The following NKAIN2 variants were observed in gnomAD, a reference collection of about 807,000 sequenced individuals.
NKAIN2 encodes sodium/potassium-transporting ATPase subunit beta-1-interacting protein 2.
In NKAIN2, 14 loss-of-function variants were observed where a neutral mutation model predicts 32.6. The ratio of observed to expected loss-of-function variants is 0.43; its 90% CI spans 0.28 to 0.67. NKAIN2 has a LOEUF of 0.67. NKAIN2 is among the 30% of genes least tolerant of loss of function. The probability of loss-of-function intolerance (pLI) is 0.17; values close to 1 mark genes in which losing one functional copy is unlikely to be tolerated. For missense variants in NKAIN2, 198 were observed against 258.3 expected (o/e 0.77, Z 1.60); for synonymous variants, 80 against 87.2 (o/e 0.92, Z 0.46).
intron 3 of NKAIN2, among the ~76,000 whole-genome samples, chr6:124,566,049 G>A (rs1448649628): frequency 6.6e-6 from 1 of 152,152 alleles, no homozygotes; most frequent in African/African-American, 2.4e-5. Flanking sequence ...CCTTTCACAT[G>A]AAATGCTAAC....
chr6:124,157,294 G>T (rs964498894), intron 1 of NKAIN2, among the ~76,000 whole-genome samples: 1 of 149,534 alleles, frequency 6.7e-6, no homozygotes, highest in African/African-American at 2.5e-5. Context: ...CACACAGCAT[G>T]CTTCTTCCTA....
intron 1 of NKAIN2, among the ~76,000 whole-genome samples, chr6:124,026,521 G>A (rs548779311): frequency 1.9e-4 from 29 of 152,112 alleles, no homozygotes; most frequent in Middle Eastern, 3.4e-3. Flanking sequence ...GTGAATAATC[G>A]TAGCCATGTG....
Position 124,486,162 on chromosome 6 carries a change from T to A in NKAIN2, c.273+130815T>A, listed in dbSNP as rs75123546. On this transcript the variant is annotated intron_variant, in intron 3 of 6. Coordinates refer to ENST00000368417, the MANE Select transcript of NKAIN2 (RefSeq NM_001040214.3). Reference sequence around the variant, plus strand: ...TTCAATAACACAAAATGAAATAGAATGAAACATAAGGAGAATGCTGTGTTT... The same window carrying A: ...TTCAATAACACAAAATGAAATAGAAAGAAACATAAGGAGAATGCTGTGTTT... 6.3e-3 allele frequency among the ~76,000 whole-genome samples: 954 copies of A among 152,294 alleles called. 32 individuals are homozygous for A. The East Asian group carries it at 0.082, about 13-fold the overall frequency.
At chr6:124,337,272 A>C (rs1797917048) in intron 2 of NKAIN2, among the ~76,000 whole-genome samples, 1 of 152,174 alleles carries the variant, frequency 6.6e-6, no homozygotes, top group South Asian at 2.1e-4. Flanking sequence ...CAAGATGGGC[A>C]GATCCCTTGA....
intron 1 of NKAIN2, among the ~76,000 whole-genome samples, chr6:124,279,065 T>G (rs927327000): frequency 9.9e-5 from 15 of 152,006 alleles, no homozygotes; most frequent in Non-Finnish European, 2.9e-5. Flanking sequence ...TTTGAAAAAT[T>G]TTTACACATA....
rs1191286941 is a variant in NKAIN2, at chr6:124,818,495, T to C, written c.617+27T>C. On this transcript the variant is annotated intron_variant, in intron 6 of 6. Coordinates refer to ENST00000368417, the MANE Select transcript of NKAIN2 (RefSeq NM_001040214.3). ...TAAGTATTTTACTTGGAAGGTACTC[T>C]TCTGGGGTACTAAAGATAATCAAGT... is the stretch of plus-strand genomic sequence containing the variant. 4.6e-6 allele frequency: 5 copies of C among 1,094,534 alleles called. 1 individual carries two copies. The South Asian group carries it at 5.6e-5, about 12-fold the overall frequency. The allele number at this position is 1,094,534 out of a possible 1,614,324, so 67.8% of individuals were successfully genotyped here.
At chr6:124,209,562 A>AGTCAC (rs1791065951) in intron 1 of NKAIN2, among the ~76,000 whole-genome samples, 1 of 151,824 alleles carries the variant, frequency 6.6e-6, no homozygotes, top group Admixed American at 6.6e-5. Context: ...ATAATAGTTT[A>AGTCAC]CATTCCACCA....
intron 1 of NKAIN2, among the ~76,000 whole-genome samples, chr6:123,864,999 C>T (rs1324869196): frequency 6.6e-6 from 1 of 152,080 alleles, no homozygotes; most frequent in African/African-American, 2.4e-5. Context: ...AATATGTTCA[C>T]ATTTTTTCTC....
At chr6:124,274,188 G>C (rs887629267) in intron 1 of NKAIN2, among the ~76,000 whole-genome samples, 1 of 152,118 alleles carries the variant, frequency 6.6e-6, no homozygotes, top group Non-Finnish European at 1.5e-5. Context: ...TGCATTGATA[G>C]TAGAAACTTT....
chr6:124,003,660 A>G (rs1779962840), intron 1 of NKAIN2, among the ~76,000 whole-genome samples: 1 of 152,192 alleles, frequency 6.6e-6, no homozygotes, highest in Non-Finnish European at 1.5e-5. Context: ...AAAATGTAAC[A>G]TATAAGGCCA....
intron 1 of NKAIN2, among the ~76,000 whole-genome samples, chr6:124,112,116 A>G: frequency 6.6e-6 from 1 of 152,110 alleles, no homozygotes; most frequent in East Asian, 1.9e-4. Flanking sequence ...ATAATACAAT[A>G]TTTTATATTT....
intron 2 of NKAIN2, among the ~76,000 whole-genome samples, chr6:124,331,186 A>G (rs770155056): frequency 1.3e-5 from 2 of 151,880 alleles, no homozygotes; most frequent in South Asian, 2.1e-4. Context: ...CTTTTTTTCA[A>G]TTTAGAGTTA....
chr6:124,332,617 C>T (rs1249643065), intron 2 of NKAIN2, among the ~76,000 whole-genome samples: 1 of 151,968 alleles, frequency 6.6e-6, no homozygotes, highest in Non-Finnish European at 1.5e-5. Context: ...ATTATAACTA[C>T]ACCCTTTATT....
At chr6:124,199,477 T>G (rs1290186356) in intron 1 of NKAIN2, among the ~76,000 whole-genome samples, 1 of 152,184 alleles carries the variant, frequency 6.6e-6, no homozygotes. Flanking sequence ...TGATGCTTCC[T>G]TTCTTTGTTT....
chr6:124,750,112 G>A (rs1178049638), intron 4 of NKAIN2, among the ~76,000 whole-genome samples: 3 of 151,784 alleles, frequency 2.0e-5, no homozygotes, highest in Admixed American at 2.0e-4. Context: ...TGCAAAATGG[G>A]ATTATTAAAA....
intron 3 of NKAIN2, among the ~76,000 whole-genome samples, chr6:124,494,753 CTTTG>C (rs1346897815): frequency 3.9e-5 from 6 of 152,148 alleles, no homozygotes; most frequent in Admixed American, 6.6e-5. Context: ...ACCTCAGTGT[CTTTG>C]TTTAAGTCGA....
chr6:124,218,071 G>A (rs560414684), intron 1 of NKAIN2, among the ~76,000 whole-genome samples: 6 of 151,270 alleles, frequency 4.0e-5, no homozygotes, highest in South Asian at 2.1e-4. Flanking sequence ...GTAAAAGGCC[G>A]TATGGCAAAG....
intron 4 of NKAIN2, among the ~76,000 whole-genome samples, chr6:124,689,217 C>A (rs1774142426): frequency 1.3e-5 from 2 of 152,010 alleles, no homozygotes; most frequent in African/African-American, 4.8e-5. Flanking sequence ...GCCTACATCT[C>A]CCTGATGACA....
chr6:124,139,371 A>G (rs1787024987), intron 1 of NKAIN2, among the ~76,000 whole-genome samples: 1 of 151,230 alleles, frequency 6.6e-6, no homozygotes, highest in African/African-American at 2.4e-5. Context: ...TACAGGCGTG[A>G]GCCACCGCGC....
Sources: allele counts gnomAD v4.1 joint callset (sites outside exome capture counted in the v4.1 genomes callset), GRCh38; gene constraint gnomAD v4.1.1; transcripts MANE v1.5; gene names NCBI Gene and HGNC (gene_info 2026-07-23, HGNC 2026-07-21).